Variants in NAGA observed in about 807,000 individuals in gnomAD.
The protein encoded by NAGA is Acetylgalactosaminidase, alpha-N- (alpha-galactosidase B).
A neutral mutation model predicts 45.6 loss-of-function variants in NAGA; 42 were observed. The ratio of observed to expected loss-of-function variants is 0.92; its 90% CI spans 0.72 to 1.19. The LOEUF (loss-of-function observed/expected upper bound fraction) is 1.19. Among genes scored for constraint, NAGA ranks in the 50% most tolerant of loss-of-function variants. NAGA has a pLI of 0.00. For missense variants in NAGA, 493 were observed against 544.8 expected, an observed-to-expected ratio of 0.90 and a Z score of 0.95; for synonymous variants, 176 against 203.1, an observed-to-expected ratio of 0.87 and a Z score of 1.13.
intron 6 of NAGA, among the ~76,000 whole-genome samples, chr22:42,065,183 T>C (rs9620018): frequency 0.057 from 8,644 of 152,292 alleles, 326 homozygotes; most frequent in Middle Eastern, 0.1. Flanking sequence ...GTAATTCTTA[T>C]AATCATCATA....
intron 7 of NAGA, 73 bp downstream of exon 7, chr22:42,062,754 G>C (rs1029353411): frequency 6.5e-7 from 1 of 1,544,524 alleles, no homozygotes; most frequent in Non-Finnish European, 8.9e-7. Context: ...TGCCCCCAGG[G>C]AGGCTGGCAG....
At position 42,067,909 on chromosome 22, in the gene NAGA, G is replaced by T; in HGVS notation, c.180C>A (p.Asp60Glu). 1 of 1,613,688 alleles carries T rather than the reference G, an allele frequency of 6.2e-7. No homozygotes were observed. The highest frequency in any genetic ancestry group is 8.5e-7 in the Non-Finnish European group (1 of 1,180,004). The change falls in exon 3 of 9, where the codon GAC becomes GAA. Residue 60 changes from aspartate to glutamate, a missense_variant. By Grantham distance (45) the Asp-to-Glu change is conservative (BLOSUM62 2). Coordinates refer to ENST00000396398, the MANE Select transcript of NAGA (RefSeq NM_000262.3). ...CCCGCCATCCATCCTGTGCCATCCG[G>T]TCAGCCATCTCCATGAAGAGCTGTT... ...ISEQLFMEMA[D>E]RMAQDGWRDM...
chr22:42,067,681 A>G (rs1926822425), intron 3 of NAGA, 84 bp downstream of exon 3: 2 of 1,206,104 alleles, frequency 1.7e-6, no homozygotes, highest in Non-Finnish European at 2.4e-6. Context: ...TGAGATCTCA[A>G]TCATGTAAGT....
In NAGA at chr22:42,060,313, T is replaced by G. The variant is rs371909746; in HGVS notation, c.1202A>C (p.Tyr401Ser). The G allele has an allele frequency of 6.2e-7, 1 of 1,613,472 alleles. No individual in the cohort carries two copies. Among genetic ancestry groups the G allele is most frequent in the African/African-American group, 1.3e-5 (1 of 74,772 alleles). ...NPSGVVMWYL[Y>S]PIKNLEMSQQ ...GGACATCTCCAGGTTCTTGATGGGA[T>G]ACAGGTACCACATCACTACCCCTGA... The change falls in exon 9 of 9, where the codon TAT (tyrosine) becomes TCT (serine). Residue 401 changes from tyrosine to serine, a missense_variant. Coordinates refer to ENST00000396398, the MANE Select transcript of NAGA (RefSeq NM_000262.3).
intron 4 of NAGA, 98 bp downstream of exon 4, chr22:42,067,015 T>C: frequency 6.5e-7 from 1 of 1,550,250 alleles, no homozygotes; most frequent in Non-Finnish European, 8.9e-7. Context: ...AACCCCTGGG[T>C]AGGGGGAATT....
intron 4 of NAGA, 100 bp downstream of exon 4, chr22:42,067,013 G>C: frequency 6.4e-7 from 1 of 1,556,130 alleles, no homozygotes; most frequent in Non-Finnish European, 8.8e-7. Context: ...CTAACCCCTG[G>C]GTAGGGGGAA....
chr22:42,070,249 A>G, intron 1 of NAGA, 33 bp downstream of exon 1: 1 of 1,613,824 alleles, frequency 6.2e-7, no homozygotes, highest in Admixed American at 1.7e-5. Flanking sequence ...ACTCACCCCT[A>G]CCCTTCCAAG....
At chr22:42,062,703 C>T in intron 7 of NAGA, 124 bp downstream of exon 7, 3 of 1,079,214 alleles carry the variant, frequency 2.8e-6, no homozygotes, top group East Asian at 4.7e-5. Flanking sequence ...AAGGGGTAGC[C>T]CTGGTTGGGG....
At chr22:42,064,023 G>C (rs940759456) in intron 6 of NAGA, among the ~76,000 whole-genome samples, 1 of 152,158 alleles carries the variant, frequency 6.6e-6, no homozygotes, top group African/African-American at 2.4e-5. Flanking sequence ...ACTCCAGCCT[G>C]GGCAACAGAG....
At position 42,066,735 on chromosome 22, in the gene NAGA, G is replaced by T. The variant is rs758950886; in HGVS notation, c.572C>A (p.Ala191Asp). The T allele has an allele frequency of 2.5e-6, 4 of 1,604,554 alleles. No individual in the cohort carries two copies. In the African/African-American group the frequency reaches 4.0e-5, roughly 16 times the overall value. The change falls in exon 5 of 9, where the codon GCC (alanine) becomes GAC (aspartate). Residue 191 changes from alanine (A) to aspartate (D), a missense_variant. By Grantham distance (126) the Ala-to-Asp change is moderately radical (BLOSUM62 -2). Transcript: ENST00000396398. ...RPIAFSCSWP[A>D]YEGGLPPRVN... Reference sequence around the variant, plus strand: ...CCTTGGGGGGAGGCCGCCTTCATAGGCTGGCCAGCTGCAGGAGAAGGCGAT... The same window carrying T: ...CCTTGGGGGGAGGCCGCCTTCATAGTCTGGCCAGCTGCAGGAGAAGGCGAT...
At chr22:42,061,189 G>A in intron 7 of NAGA, 122 bp from the exon 8 acceptor site, 2 of 1,305,034 alleles carry the variant, frequency 1.5e-6, no homozygotes, top group South Asian at 2.5e-5. Flanking sequence ...ACAGGTTTAG[G>A]GAGGATGCCA....
intron 8 of NAGA, 35 bp downstream of exon 8, chr22:42,060,889 C>T (rs547383290): frequency 6.2e-7 from 1 of 1,613,576 alleles, no homozygotes; most frequent in African/African-American, 1.3e-5. Context: ...AAATCTGAAG[C>T]CCAGGCGGGT....
At chr22:42,070,149 C>G in intron 1 of NAGA, 133 bp downstream of exon 1, 1 of 1,059,712 alleles carries the variant, frequency 9.4e-7, no homozygotes, top group South Asian at 1.2e-5. Context: ...GCATCTCCTC[C>G]CTTCCTGCCC....
At chr22:42,068,292 G>A (rs1926862775) in intron 2 of NAGA, 147 bp downstream of exon 2, 2 of 1,336,936 alleles carry the variant, frequency 1.5e-6, no homozygotes, top group Non-Finnish European at 2.1e-6. Flanking sequence ...GGGGCTAGGT[G>A]TCAGACAGTC....
At position 42,066,699 on chromosome 22, in the gene NAGA, G is replaced by A. The variant is rs772770930; in HGVS notation, c.597+11C>T. The A allele has an allele frequency of 1.3e-6, 2 of 1,589,638 alleles. No homozygotes were observed. The highest frequency in any genetic ancestry group is 3.6e-5 in the Admixed American group (2 of 55,910). ...GGGAAGCGCCATCAGGCAGGGGGCA[G>A]AATGGCTTACCCTTGGGGGGAGGCC... On this transcript the variant is annotated intron_variant, in intron 5 of 8. Coordinates refer to ENST00000396398, the MANE Select transcript of NAGA (RefSeq NM_000262.3).
rs973635828 is a variant in NAGA at position 42,058,731 on chromosome 22, G to A, written c.*1548C>T. ...CTGGCCCCCAACTCCCAAGTCCATG[G>A]TCTCAACTCATTTCCCACAAAGCCT... On this transcript the variant is annotated 3_prime_UTR_variant, in exon 9 of 9. Coordinates refer to ENST00000396398, the MANE Select transcript of NAGA (RefSeq NM_000262.3). 1.3e-5 allele frequency: 2 copies of A among 152,314 alleles called. No individual in the cohort carries two copies. Among genetic ancestry groups the A allele is most frequent in the African/African-American group, 4.8e-5 (2 of 41,450 alleles). The allele number at this position is 152,314 out of a possible 1,614,324, so 9.4% of individuals were successfully genotyped here.
rs778086776 is a variant in NAGA at position 42,065,730 on chromosome 22, C to G, written c.759+8G>C. On this transcript the variant is annotated splice_region_variant and intron_variant, in intron 6 of 8. Coordinates refer to ENST00000396398, the MANE Select transcript of NAGA (RefSeq NM_000262.3). ...TGGGCCTAGGGACATCCCCCTCCAT[C>G]CTGGTACCATGTCAGGGTCATTCCA... 12 of 1,613,560 alleles carry G rather than the reference C, an allele frequency of 7.4e-6. No homozygotes were observed. Among genetic ancestry groups the G allele is most frequent in the Non-Finnish European group, 1.0e-5 (12 of 1,179,972 alleles).
chr22:42,064,731 G>C (rs1396803630), intron 6 of NAGA, among the ~76,000 whole-genome samples: 1 of 152,210 alleles, frequency 6.6e-6, no homozygotes, highest in African/African-American at 2.4e-5. Flanking sequence ...AGGTTGTTCA[G>C]ATGATCAAAT....
intron 4 of NAGA, 52 bp downstream of exon 4, chr22:42,067,061 C>T: frequency 6.2e-7 from 1 of 1,609,366 alleles, no homozygotes; most frequent in Non-Finnish European, 8.5e-7. Flanking sequence ...GGTGGGTCTC[C>T]ATGGCCACCC....
Sources: gnomAD v4.1 joint callset for allele counts (sites outside exome capture counted in the v4.1 genomes callset) on GRCh38, gnomAD v4.1.1 for gene constraint, MANE v1.5 for transcripts, NCBI Gene and HGNC (gene_info 2026-07-23, HGNC 2026-07-21) for gene names.